PEBP4: variants seen among roughly 807,000 people sequenced by gnomAD.
The protein encoded by PEBP4 is phosphatidylethanolamine-binding protein 4.
Under a neutral mutation model 23.9 loss-of-function variants are expected in PEBP4, and 22 were observed. The observed-to-expected ratio is 0.92, with a 90% CI of 0.66 to 1.31. The LOEUF is 1.31. PEBP4 is among the 40% of genes most tolerant of loss of function. PEBP4 has a pLI of 0.00. For missense variants in PEBP4, 324 were observed against 281.7 expected (o/e 1.15, Z -1.07); for synonymous variants, 112 against 99.3 (o/e 1.13, Z -0.76).
intron 3 of PEBP4, among the ~76,000 whole-genome samples, chr8:22,843,858 C>A (rs1158145868): frequency 1.3e-5 from 2 of 152,204 alleles, no homozygotes; most frequent in African/African-American, 2.4e-5. Flanking sequence ...AGGAGTGAGG[C>A]GATGCCCCTC....
intron 4 of PEBP4, among the ~76,000 whole-genome samples, chr8:22,777,837 G>A (rs1405435363): frequency 6.6e-6 from 1 of 152,180 alleles, no homozygotes; most frequent in Non-Finnish European, 1.5e-5. Context: ...GGGAGGCTGA[G>A]GGCGTGTGGG....
At chr8:22,816,836 T>C (rs1365054582) in intron 4 of PEBP4, among the ~76,000 whole-genome samples, 2 of 152,202 alleles carry the variant, frequency 1.3e-5, no homozygotes, top group East Asian at 3.8e-4. Flanking sequence ...CAAAGAGCAC[T>C]GCCAGGCACT....
intron 3 of PEBP4, among the ~76,000 whole-genome samples, chr8:22,860,209 C>CATATATATGTGTATATATATACACAT (rs200272561): frequency 2.8e-5 from 3 of 106,208 alleles, no homozygotes; most frequent in South Asian, 5.1e-4. Context: ...TATATATACA[C>CATATATATGTGTATATATATACACAT]ATATATGTAT....
intron 4 of PEBP4, among the ~76,000 whole-genome samples, chr8:22,783,230 C>T (rs1444735367): frequency 6.6e-6 from 1 of 152,212 alleles, no homozygotes; most frequent in East Asian, 1.9e-4. Flanking sequence ...TCAGTCCTTT[C>T]TTGAGAATAA....
chr8:22,739,283 C>T lies in PEBP4; in HGVS notation c.358-12063G>A, dbSNP rs183662446. ...CTGCAGGTCACCTTGCCCTCCCTGC[C>T]GCAGCAGAACAATTAGGAAATGGAT... On this transcript the variant is annotated intron_variant, in intron 4 of 6. Coordinates refer to ENST00000256404, the MANE Select transcript of PEBP4 (RefSeq NM_144962.3). 4.6e-4 allele frequency among the ~76,000 whole-genome samples: 70 copies of T among 152,248 alleles called. 1 individual carries two copies. The highest frequency in any genetic ancestry group is 3.4e-3 in the Middle Eastern group (1 of 294).
chr8:22,864,611 C>T (rs753726446), intron 3 of PEBP4, among the ~76,000 whole-genome samples: 2 of 152,130 alleles, frequency 1.3e-5, no homozygotes, highest in Non-Finnish European at 2.9e-5. Flanking sequence ...CGAAGTGACT[C>T]GGAGGAAGCG....
At chr8:22,763,269 T>G (rs1805546942) in intron 4 of PEBP4, among the ~76,000 whole-genome samples, 1 of 152,210 alleles carries the variant, frequency 6.6e-6, no homozygotes, top group Non-Finnish European at 1.5e-5. Flanking sequence ...CCTCCCAAAG[T>G]GCTGGGATTA....
At chr8:22,878,656 C>T (rs925135737) in intron 3 of PEBP4, among the ~76,000 whole-genome samples, 1 of 152,218 alleles carries the variant, frequency 6.6e-6, no homozygotes, top group Non-Finnish European at 1.5e-5. Context: ...GACTCTGCTA[C>T]TGGCCAGCCT....
At chr8:22,761,961 ACT>A (rs1805516435) in intron 4 of PEBP4, among the ~76,000 whole-genome samples, 1 of 151,468 alleles carries the variant, frequency 6.6e-6, no homozygotes, top group Admixed American at 6.6e-5. Flanking sequence ...CTAAGGCATA[ACT>A]CTGCATTTAT....
At chr8:22,784,903 G>T (rs1805997823) in intron 4 of PEBP4, among the ~76,000 whole-genome samples, 1 of 152,200 alleles carries the variant, frequency 6.6e-6, no homozygotes, top group African/African-American at 2.4e-5. Context: ...GAGCCGGAGG[G>T]GGGACCGTCA....
At chr8:22,838,348 G>T (rs569797154) in intron 3 of PEBP4, among the ~76,000 whole-genome samples, 5 of 151,850 alleles carry the variant, frequency 3.3e-5, no homozygotes, top group East Asian at 3.9e-4. Context: ...AGGTTTTTTG[G>T]TTTTTTTTCA....
chr8:22,846,309 C>T (rs950287214), intron 3 of PEBP4, among the ~76,000 whole-genome samples: 2 of 152,174 alleles, frequency 1.3e-5, no homozygotes, highest in African/African-American at 4.8e-5. Flanking sequence ...CTGGCTCCTT[C>T]CTCTCCCTGT....
chr8:22,878,559 G>A (rs1004980611), intron 3 of PEBP4, among the ~76,000 whole-genome samples: 12 of 152,180 alleles, frequency 7.9e-5, no homozygotes, highest in Admixed American at 3.3e-4. Context: ...ATCACAAAGC[G>A]CAGACAGGTG....
chr8:22,918,916 C>G (rs1300020529), intron 3 of PEBP4, among the ~76,000 whole-genome samples: 2 of 138,610 alleles, frequency 1.4e-5, no homozygotes, highest in Non-Finnish European at 3.2e-5. Context: ...GGTGTGCATG[C>G]AAGTGTGTGT....
chr8:22,778,384 A>AATTTTT (rs749969514), intron 4 of PEBP4, among the ~76,000 whole-genome samples: 1 of 147,308 alleles, frequency 6.8e-6, no homozygotes. Flanking sequence ...CAGAGCTTGA[A>AATTTTT]CTTTTTTTTT....
chr8:22,837,943 A>AGCTGGAGT (rs1466114288), intron 3 of PEBP4, among the ~76,000 whole-genome samples: 2 of 131,494 alleles, frequency 1.5e-5, no homozygotes, highest in Non-Finnish European at 3.1e-5. Context: ...CTGTTGCCCA[A>AGCTGGAGT]GCTGGAGTGC....
At chr8:22,809,067 C>G (rs182574026) in intron 4 of PEBP4, among the ~76,000 whole-genome samples, 1 of 151,984 alleles carries the variant, frequency 6.6e-6, no homozygotes, top group Non-Finnish European at 1.5e-5. Flanking sequence ...ATCGAAGGCT[C>G]GACTTTCTAA....
At chr8:22,883,731 G>T (rs892023004) in intron 3 of PEBP4, among the ~76,000 whole-genome samples, 1 of 152,162 alleles carries the variant, frequency 6.6e-6, no homozygotes, top group African/African-American at 2.4e-5. Context: ...TTATTGTGCT[G>T]TCAATCTTGT....
At chr8:22,935,871 G>A (rs1280862339) in intron 1 of PEBP4, among the ~76,000 whole-genome samples, 1 of 152,012 alleles carries the variant, frequency 6.6e-6, no homozygotes, top group African/African-American at 2.4e-5. Flanking sequence ...GAAACAACTG[G>A]TATACCAAGA....
Sources: allele counts gnomAD v4.1 joint callset (sites outside exome capture counted in the v4.1 genomes callset), GRCh38; gene constraint gnomAD v4.1.1; transcripts MANE v1.5; gene names NCBI Gene and HGNC (gene_info 2026-07-23, HGNC 2026-07-21).